CDK5R1: variants seen among roughly 807,000 people sequenced by gnomAD.
CDK5R1 encodes cyclin dependent kinase 5 regulatory subunit 1.
In CDK5R1, 1 loss-of-function variant was observed where a neutral mutation model predicts 19.0. The observed-to-expected ratio is 0.05, with a 90% CI of 0.02 to 0.25. CDK5R1 has a LOEUF of 0.25. Ranked by LOEUF, CDK5R1 falls within the 10% of genes least tolerant of loss-of-function variation. CDK5R1 has a pLI of 1.00. For synonymous variants in CDK5R1, 225 were observed against 187.7 expected, an observed-to-expected ratio of 1.20 and a Z score of -1.62; for missense variants, 314 against 401.0, an observed-to-expected ratio of 0.78 and a Z score of 1.85.
rs1908719675 is a variant in CDK5R1 at position 32,487,594 on chromosome 17, A to T, written c.-27A>T. On this transcript the variant is annotated 5_prime_UTR_variant, in exon 2 of 2. Coordinates refer to ENST00000313401, the MANE Select transcript of CDK5R1 (RefSeq NM_003885.3). This position sits in a 1 kb window ranked among gnomAD's most constrained non-coding sequence, Gnocchi z 7.9. Reference sequence around the variant, plus strand: ...GGCAGGCTGGGCGCGCAGGGGCGCGAGCCCCCGCCCGGCGCGCAGCAGCAC... The same window carrying T: ...GGCAGGCTGGGCGCGCAGGGGCGCGTGCCCCCGCCCGGCGCGCAGCAGCAC... 3 of 1,582,724 alleles carry T rather than the reference A, an allele frequency of 1.9e-6. No individual in the cohort carries two copies. Among genetic ancestry groups the T allele is most frequent in the Non-Finnish European group, 2.6e-6 (3 of 1,162,076 alleles).
At position 32,488,555 on chromosome 17, in the gene CDK5R1, C is replaced by T. The variant is rs773299596; in HGVS notation, c.*11C>T. On this transcript the variant is annotated 3_prime_UTR_variant, in exon 2 of 2. Coordinates refer to ENST00000313401, the MANE Select transcript of CDK5R1 (RefSeq NM_003885.3). ...GGCCTGGATCGGTGAGCACTGTAGC[C>T]TGCGTCATGGCTCAAGGATTCAATG... The T allele has an allele frequency of 6.2e-7, 1 of 1,614,102 alleles. No individual in the cohort carries two copies. The highest frequency in any genetic ancestry group is 8.5e-7 in the Non-Finnish European group (1 of 1,180,030).
In CDK5R1 at chr17:32,490,867, T is replaced by A. The variant is rs1480195952; in HGVS notation, c.*2323T>A. On this transcript the variant is annotated 3_prime_UTR_variant, in exon 2 of 2. Transcript: ENST00000313401. ...GGTTTTTCTCTTTTTCTTGTAAACC[T>A]GGAGGGTTGATATATTCTTTCCATG... 1.8e-5 allele frequency: 3 copies of A among 167,098 alleles called. No homozygotes were observed. Among genetic ancestry groups the A allele is most frequent in the Non-Finnish European group, 2.9e-5 (2 of 68,118 alleles). 10.4% of individuals were successfully genotyped at this position (167,098 alleles called of 1,614,324 possible). A position where few individuals can be genotyped will look rare whatever the true frequency, so the allele number is the denominator to read the frequency against.
rs1254721234 is a variant in CDK5R1 at position 32,488,406 on chromosome 17, C to A, written c.786C>A (p.Leu262=). 6.2e-7 allele frequency: 1 copy of A among 1,614,018 alleles called. No homozygotes were observed. The highest frequency in any genetic ancestry group is 8.5e-7 in the Non-Finnish European group (1 of 1,180,030). Reference sequence around the variant, plus strand: ...AGGAGGCCTTTTGGGACCGTTGCCTCTCTGTCATCAACCTCATGAGCTCAA... The same window carrying A: ...AGGAGGCCTTTTGGGACCGTTGCCTATCTGTCATCAACCTCATGAGCTCAA... The part of the protein sequence containing the change: ...SCKEAFWDRC[L]SVINLMSSKM... Residue 262 remains leucine (L), a synonymous_variant, in exon 2 of 2, where the codon CTC becomes CTA. Transcript: ENST00000313401.
Position 32,490,994 on chromosome 17 carries a change from C to T in CDK5R1, c.*2450C>T, listed in dbSNP as rs1279110853. ...ATTATTCATAGCTGTATATTTGAAACTGCTAATTACACACGTGTGATGTAT... is the reference window on the plus strand; with the variant it reads ...ATTATTCATAGCTGTATATTTGAAATTGCTAATTACACACGTGTGATGTAT... On this transcript the variant is annotated 3_prime_UTR_variant, in exon 2 of 2. Transcript: ENST00000313401. 2 of 167,016 alleles carry T rather than the reference C, an allele frequency of 1.2e-5. No individual in the cohort carries two copies. The highest frequency in any genetic ancestry group is 2.1e-4 in the South Asian group (1 of 4,828). 10.3% of individuals were successfully genotyped at this position (167,016 alleles called of 1,614,324 possible).
rs915839326 is a variant in CDK5R1 at position 32,487,521 on chromosome 17, C to T, written c.-100C>T. The T allele has an allele frequency of 1.1e-6, 1 of 922,640 alleles. No individual in the cohort carries two copies. The highest frequency in any genetic ancestry group is 1.6e-6 in the Non-Finnish European group (1 of 625,912). The allele number at this position is 922,640 out of a possible 1,614,324, so 57.2% of individuals were successfully genotyped here. On this transcript the variant is annotated 5_prime_UTR_variant, in exon 2 of 2. Coordinates refer to ENST00000313401, the MANE Select transcript of CDK5R1 (RefSeq NM_003885.3). The surrounding 1 kb of genome is among the most constrained non-coding windows in gnomAD (Gnocchi z 7.9). ...CGCTTCCCGGGAGCGCCCCCGCCTC[C>T]TCTCCGGGGCCGCCGCAGGCTCGGT...
chr17:32,488,292 C>G lies in CDK5R1; in HGVS notation c.672C>G (p.Ala224=), dbSNP rs560668827. ...TGGGCTCGGATCACGAGCTCCAGGC[C>G]GTCCTGCTGACATGCCTGTACCTCT... ...SEVGSDHELQ[A]VLLTCLYLSY... is the part of the protein sequence containing the mutation. The change falls in exon 2 of 2, where the codon GCC becomes GCG. Residue 224 remains alanine (A), a synonymous_variant. Transcript: ENST00000313401. The G allele has an allele frequency of 1.9e-5, 30 of 1,614,110 alleles. 1 individual carries two copies. The African/African-American group carries it at 3.5e-4, about 19-fold the overall frequency.
At position 32,488,374 on chromosome 17, in the gene CDK5R1, A is replaced by C; in HGVS notation, c.754A>C (p.Ser252Arg). Residue 252 changes from serine (S) to arginine (R), a missense_variant, in exon 2 of 2, where the codon AGC becomes CGC. By Grantham distance (110) the Ser-to-Arg change is moderately radical. This residue lies in a region of CDK5R1 where 106 missense variants were observed against 132.1 expected (regional missense o/e 0.80). Transcript: ENST00000313401. ...SYPLKPFLVE[S>R]CKEAFWDRCL... ...CCCGCTCAAGCCCTTCCTGGTGGAG[A>C]GCTGCAAGGAGGCCTTTTGGGACCG... 1 of 1,613,712 alleles carries C rather than the reference A, an allele frequency of 6.2e-7. No individual in the cohort carries two copies. Among genetic ancestry groups the C allele is most frequent in the Non-Finnish European group, 8.5e-7 (1 of 1,179,954 alleles).
rs1290147926 is a variant in CDK5R1, at chr17:32,490,909, G to C, written c.*2365G>C. 6.0e-6 allele frequency: 1 copy of C among 167,036 alleles called. No individual in the cohort carries two copies. Among genetic ancestry groups the C allele is most frequent in the East Asian group, 1.9e-4 (1 of 5,204 alleles). 10.3% of individuals were successfully genotyped at this position (167,036 alleles called of 1,614,324 possible). On this transcript the variant is annotated 3_prime_UTR_variant, in exon 2 of 2. Coordinates refer to ENST00000313401, the MANE Select transcript of CDK5R1 (RefSeq NM_003885.3). ...CTTTCCATGCAGTTATTAGAACTTAGTTTTGTTCCAACAGTTAAACTTGCA... is the reference window on the plus strand; with the variant it reads ...CTTTCCATGCAGTTATTAGAACTTACTTTTGTTCCAACAGTTAAACTTGCA...
rs540168804 is a variant in CDK5R1 at position 32,488,524 on chromosome 17, C to A, written c.904C>A (p.Leu302Ile). ...CGGCCAGGAGGACAAGAAGCGGCTC[C>A]TCCTAGGCCTGGATCGGTGAGCACT... ...ESGQEDKKRL[L>I]LGLDR Residue 302 changes from leucine (L) to isoleucine (I), a missense_variant, in exon 2 of 2, where the codon CTC becomes ATC. By Grantham distance (5) the Leu-to-Ile change is conservative. Coordinates refer to ENST00000313401, the MANE Select transcript of CDK5R1 (RefSeq NM_003885.3). The A allele has an allele frequency of 3.2e-5, 52 of 1,614,060 alleles. No homozygotes were observed. Among genetic ancestry groups the A allele is most frequent in the Non-Finnish European group, 4.1e-5 (48 of 1,180,048 alleles).
In CDK5R1 at chr17:32,488,672, T is replaced by A. The variant is rs1390845344; in HGVS notation, c.*128T>A. ...CCTCACCTTTCCCACAGTCTCTCCC[T>A]GGGGTTTTTTTCATCCCTGCCAAGA... On this transcript the variant is annotated 3_prime_UTR_variant, in exon 2 of 2. Transcript: ENST00000313401. 2 of 1,504,968 alleles carry A rather than the reference T, an allele frequency of 1.3e-6. No homozygotes were observed. Among genetic ancestry groups the A allele is most frequent in the South Asian group, 2.4e-5 (2 of 82,542 alleles). The allele number at this position is 1,504,968 out of a possible 1,614,324, so 93.2% of individuals were successfully genotyped here. A position where few individuals can be genotyped will look rare whatever the true frequency, so the allele number is the denominator to read the frequency against.
chr17:32,490,263 C>T lies in CDK5R1; in HGVS notation c.*1719C>T, dbSNP rs1374847107. ...TCTGCTGGGTTTCCACACAGCCTGT[C>T]TTCAGATCCTGCTGCCGCGTGCGAC... On this transcript the variant is annotated 3_prime_UTR_variant, in exon 2 of 2. Coordinates refer to ENST00000313401, the MANE Select transcript of CDK5R1 (RefSeq NM_003885.3). 2 of 167,228 alleles carry T rather than the reference C, an allele frequency of 1.2e-5. No individual in the cohort carries two copies. Among genetic ancestry groups the T allele is most frequent in the South Asian group, 2.1e-4 (1 of 4,836 alleles). 10.4% of individuals were successfully genotyped at this position (167,228 alleles called of 1,614,324 possible).
chr17:32,489,092 T>G lies in CDK5R1; in HGVS notation c.*548T>G. 1 of 469,136 alleles carries G rather than the reference T, an allele frequency of 2.1e-6. No homozygotes were observed. Among genetic ancestry groups the G allele is most frequent in the Non-Finnish European group, 4.4e-6 (1 of 226,084 alleles). 29.1% of individuals were successfully genotyped at this position (469,136 alleles called of 1,614,324 possible). On this transcript the variant is annotated 3_prime_UTR_variant, in exon 2 of 2. Coordinates refer to ENST00000313401, the MANE Select transcript of CDK5R1 (RefSeq NM_003885.3). Reference sequence around the variant, plus strand: ...CTGAGCGGGTCTAGTGGAAAGATTGTGTCTGGTCGTTTGACCACACACCGC... The same window carrying G: ...CTGAGCGGGTCTAGTGGAAAGATTGGGTCTGGTCGTTTGACCACACACCGC...
rs1167427655 is a variant in CDK5R1 at position 32,489,144 on chromosome 17, G to A, written c.*600G>A. On this transcript the variant is annotated 3_prime_UTR_variant, in exon 2 of 2. Transcript: ENST00000313401. ...CTGATTTGCTGTTTTCTTTTTTTAGGGAGAAGGGCTTTTCTTTAGTGGAGA... is the reference window on the plus strand; with the variant it reads ...CTGATTTGCTGTTTTCTTTTTTTAGAGAGAAGGGCTTTTCTTTAGTGGAGA... The A allele has an allele frequency of 4.2e-6, 2 of 470,960 alleles. No individual in the cohort carries two copies. The highest frequency in any genetic ancestry group is 4.0e-5 in the African/African-American group (2 of 50,074). 29.2% of individuals were successfully genotyped at this position (470,960 alleles called of 1,614,324 possible).
rs1013539289 is a variant in CDK5R1 at position 32,491,062 on chromosome 17, C to T, written c.*2518C>T. On this transcript the variant is annotated 3_prime_UTR_variant, in exon 2 of 2. Coordinates refer to ENST00000313401, the MANE Select transcript of CDK5R1 (RefSeq NM_003885.3). ...ATTTCTTCTGTAGCTATTCTTTGACCAAACTGTGGGTATTGTTAATATTAA... is the reference window on the plus strand; with the variant it reads ...ATTTCTTCTGTAGCTATTCTTTGACTAAACTGTGGGTATTGTTAATATTAA... The T allele has an allele frequency of 6.0e-6, 1 of 166,998 alleles. No homozygotes were observed. Among genetic ancestry groups the T allele is most frequent in the Non-Finnish European group, 1.5e-5 (1 of 68,106 alleles). 10.3% of individuals were successfully genotyped at this position (166,998 alleles called of 1,614,324 possible). A position where few individuals can be genotyped will look rare whatever the true frequency, so the allele number is the denominator to read the frequency against.
In CDK5R1 at chr17:32,487,975, A is replaced by T. The variant is rs768182535; in HGVS notation, c.355A>T (p.Thr119Ser). 1 of 1,613,170 alleles carries T rather than the reference A, an allele frequency of 6.2e-7. No homozygotes were observed. The stretch of plus-strand genomic sequence containing the variant: ...GGCCAGCCAGCTCTCGGGTTCCCAG[A>T]CCGGGGGCTCCTCCTCAGTCAAGAA... ...PPASQLSGSQ[T>S]GGSSSVKKAP... is the part of the protein sequence containing the mutation. The change falls in exon 2 of 2, where the codon ACC becomes TCC. Residue 119 changes from threonine to serine, a missense_variant. Transcript: ENST00000313401. This position sits in a 1 kb window ranked among gnomAD's most constrained non-coding sequence, Gnocchi z 7.9.
rs1310430043 is a variant in CDK5R1 at position 32,487,564 on chromosome 17, C to T, written c.-57C>T. Reference sequence around the variant, plus strand: ...GGCTCGGTGAGCGGTTTTATCCCTCCGGCCGGCAGGCTGGGCGCGCAGGGG... The same window carrying T: ...GGCTCGGTGAGCGGTTTTATCCCTCTGGCCGGCAGGCTGGGCGCGCAGGGG... On this transcript the variant is annotated 5_prime_UTR_variant, in exon 2 of 2. Transcript: ENST00000313401. The surrounding 1 kb of genome is among the most constrained non-coding windows in gnomAD (Gnocchi z 7.9). 1 of 1,471,014 alleles carries T rather than the reference C, an allele frequency of 6.8e-7. No individual in the cohort carries two copies. Among genetic ancestry groups the T allele is most frequent in the Non-Finnish European group, 9.3e-7 (1 of 1,081,046 alleles). The allele number at this position is 1,471,014 out of a possible 1,614,324, so 91.1% of individuals were successfully genotyped here. A position where few individuals can be genotyped will look rare whatever the true frequency, so the allele number is the denominator to read the frequency against.
rs1193738704 is a variant in CDK5R1, at chr17:32,487,844, A to C, written c.224A>C (p.Gln75Pro). 2.5e-6 allele frequency: 4 copies of C among 1,614,008 alleles called. No individual in the cohort carries two copies. The African/African-American group carries it at 4.0e-5, about 16-fold the overall frequency. ...AAGGTGCAGCCCAACAGCAGCTACCAGAACAACATCACGCACCTCAACAAT... is the reference window on the plus strand; with the variant it reads ...AAGGTGCAGCCCAACAGCAGCTACCCGAACAACATCACGCACCTCAACAAT... Reference protein sequence around the residue: ...SKKVQPNSSYQNNITHLNNEN... With the variant: ...SKKVQPNSSYPNNITHLNNEN... Residue 75 changes from glutamine to proline, a missense_variant, in exon 2 of 2, where the codon CAG becomes CCG. Physicochemically the swap from Gln to Pro is moderately conservative, Grantham distance 76 (BLOSUM62 -1). Transcript: ENST00000313401. This position sits in a 1 kb window ranked among gnomAD's most constrained non-coding sequence, Gnocchi z 7.9.
rs752372218 is a variant in CDK5R1 at position 32,487,695 on chromosome 17, C to T, written c.75C>T (p.Gly25=). The change falls in exon 2 of 2, where the codon GGC becomes GGT. Residue 25 remains glycine, a synonymous_variant. Transcript: ENST00000313401. This position sits in a 1 kb window ranked among gnomAD's most constrained non-coding sequence, Gnocchi z 7.9. ...TLFEDGAATV[G]HYTAVQNSKN... is the part of the protein sequence containing the mutation. ...TTGAGGATGGCGCGGCCACCGTGGG[C>T]CACTATACGGCCGTACAGAACAGCA... 1 of 1,613,690 alleles carries T rather than the reference C, an allele frequency of 6.2e-7. No homozygotes were observed. Among genetic ancestry groups the T allele is most frequent in the South Asian group, 1.1e-5 (1 of 91,068 alleles).
rs770024512 is a variant in CDK5R1, at chr17:32,488,369, T to C, written c.749T>C (p.Val250Ala). ...TCCTACCCGCTCAAGCCCTTCCTGGTGGAGAGCTGCAAGGAGGCCTTTTGG... is the reference window on the plus strand; with the variant it reads ...TCCTACCCGCTCAAGCCCTTCCTGGCGGAGAGCTGCAAGGAGGCCTTTTGG... ...EISYPLKPFL[V>A]ESCKEAFWDR... The change falls in exon 2 of 2, where the codon GTG (valine) becomes GCG (alanine). Residue 250 changes from valine (V) to alanine (A), a missense_variant. Physicochemically the swap from Val to Ala is moderately conservative, Grantham distance 64 (BLOSUM62 0). Coordinates refer to ENST00000313401, the MANE Select transcript of CDK5R1 (RefSeq NM_003885.3). 2.7e-5 allele frequency: 43 copies of C among 1,613,900 alleles called. No individual in the cohort carries two copies. The highest frequency in any genetic ancestry group is 3.6e-5 in the Non-Finnish European group (42 of 1,180,022).
Sources: gnomAD v4.1 joint callset for allele counts on GRCh38, gnomAD v4.1.1 for gene constraint, gnomAD v4.1.1 regional missense constraint, Gnocchi (gnomAD v3.1) non-coding constraint, MANE v1.5 for transcripts, NCBI Gene and HGNC (gene_info 2026-07-23, HGNC 2026-07-21) for gene names.